ABCC2: variants seen among roughly 807,000 people sequenced by gnomAD.
The protein encoded by ABCC2 is ATP binding cassette subfamily C member 2, also known as ATP-binding cassette sub-family C member 2.
A neutral mutation model predicts 173.4 loss-of-function variants in ABCC2; 157 were observed. The ratio of observed to expected loss-of-function variants is 0.91; its 90% CI spans 0.80 to 1.03. The LOEUF is 1.03. Ranked by LOEUF, ABCC2 falls within the 50% of genes least tolerant of loss-of-function variation. The pLI is 0.00. For missense variants in ABCC2, 1,822 were observed against 1,852.3 expected (o/e 0.98, Z 0.30); for synonymous variants, 657 against 693.5 (o/e 0.95, Z 0.83).
Position 99,817,337 on chromosome 10 carries a change from C to T in ABCC2, c.2124C>T (p.Ser708=). 1.2e-6 allele frequency: 2 copies of T among 1,614,150 alleles called. No homozygotes were observed. The change falls in exon 17 of 32, where the codon TCC becomes TCT. Residue 708 remains serine, a synonymous_variant. Transcript: ENST00000647814. The part of the protein sequence containing the change: ...KGTTAYVPQQ[S]WIQNGTIKDN... ...CCACTGCCTATGTCCCACAGCAGTC[C>T]TGGATTCAGAATGGCACCATAAAGG...
At chr10:99,801,536 G>A (rs1025699475) in intron 9 of ABCC2, among the ~76,000 whole-genome samples, 1 of 152,044 alleles carries the variant, frequency 6.6e-6, no homozygotes, top group African/African-American at 2.4e-5. Context: ...GCGCCTGGCC[G>A]ATACATTGTT....
intron 15 of ABCC2, 148 bp from the exon 16 acceptor site, chr10:99,812,870 T>G: frequency 1.1e-6 from 1 of 951,382 alleles, no homozygotes; most frequent in Non-Finnish European, 1.7e-6. Flanking sequence ...AAGAAGCACT[T>G]TGGGGTCTTG....
In ABCC2 at chr10:99,851,813, A is replaced by G; in HGVS notation, c.*182A>G. The stretch of plus-strand genomic sequence containing the variant: ...ATAAATGTCACCAGGTACTTGAGAA[A>G]CCCCTCGATTGTCTACCTCGATCGT... On this transcript the variant is annotated 3_prime_UTR_variant, in exon 32 of 32. Transcript: ENST00000647814. The G allele has an allele frequency of 3.6e-6, 2 of 560,546 alleles. No homozygotes were observed. Among genetic ancestry groups the G allele is most frequent in the Non-Finnish European group, 2.9e-6 (1 of 340,512 alleles). The allele number at this position is 560,546 out of a possible 1,614,324, so 34.7% of individuals were successfully genotyped here.
At chr10:99,786,099 C>T (rs537541397) in intron 2 of ABCC2, among the ~76,000 whole-genome samples, 1 of 152,136 alleles carries the variant, frequency 6.6e-6, no homozygotes, top group South Asian at 2.1e-4. Flanking sequence ...TCAAACACTC[C>T]CACTGGAATA....
intron 16 of ABCC2, among the ~76,000 whole-genome samples, chr10:99,814,186 T>C (rs1418436865): frequency 2.1e-5 from 2 of 93,874 alleles, no homozygotes; most frequent in South Asian, 7.5e-4. Context: ...CATGTATGTA[T>C]ACACACATGT....
chr10:99,797,031 A>T (rs1428876439), intron 6 of ABCC2, 66 bp from the exon 7 acceptor site: 2 of 1,374,794 alleles, frequency 1.5e-6, no homozygotes, highest in African/African-American at 2.9e-5. Flanking sequence ...AGGTTCTGAT[A>T]GAAGTGGTGG....
intron 19 of ABCC2, among the ~76,000 whole-genome samples, chr10:99,825,368 C>T (rs1005832787): frequency 2.4e-4 from 37 of 151,276 alleles, no homozygotes; most frequent in African/African-American, 6.8e-4. Flanking sequence ...TTTTGGCCAC[C>T]GATTTAAAGC....
chr10:99,789,674 C>G (rs893937128), intron 2 of ABCC2, among the ~76,000 whole-genome samples: 4 of 138,248 alleles, frequency 2.9e-5, no homozygotes, highest in Non-Finnish European at 4.5e-5. Context: ...AGCACCACTA[C>G]ACTCCAGCCT....
intron 20 of ABCC2, 52 bp downstream of exon 20, chr10:99,830,485 A>C (rs900602182): frequency 6.2e-7 from 1 of 1,613,508 alleles, no homozygotes. Flanking sequence ...TTTCCACTTG[A>C]TCTTTTTCTT....
chr10:99,831,219 T>G (rs1432070619), intron 21 of ABCC2, among the ~76,000 whole-genome samples: 1 of 152,158 alleles, frequency 6.6e-6, no homozygotes, highest in Non-Finnish European at 1.5e-5. Flanking sequence ...TCTGATTTTT[T>G]GTTTGTGTGT....
chr10:99,850,853 C>G, intron 31 of ABCC2, 57 bp downstream of exon 31: 3 of 1,589,000 alleles, frequency 1.9e-6, no homozygotes, highest in Admixed American at 1.7e-5. Flanking sequence ...TCAACAGTAA[C>G]AGTGTCAGCC....
Position 99,782,752 on chromosome 10 carries a change from T to C in ABCC2, c.-93T>C, listed in dbSNP as rs2037636894. ...GGAGAACATCAGAATGGTAGATAAT[T>C]CCTGTTCCACTTTCTTTGATGAAAC... On this transcript the variant is annotated 5_prime_UTR_variant, in exon 1 of 32. Transcript: ENST00000647814. The C allele has an allele frequency of 2.1e-6, 3 of 1,410,008 alleles. No individual in the cohort carries two copies. The highest frequency in any genetic ancestry group is 3.0e-6 in the Non-Finnish European group (3 of 996,598). 87.3% of individuals were successfully genotyped at this position (1,410,008 alleles called of 1,614,324 possible). A position where few individuals can be genotyped will look rare whatever the true frequency, so the allele number is the denominator to read the frequency against.
chr10:99,786,076 G>A, intron 2 of ABCC2, among the ~76,000 whole-genome samples: 1 of 152,076 alleles, frequency 6.6e-6, no homozygotes, highest in South Asian at 2.1e-4. Context: ...CCCATCACAG[G>A]ACCTAGCATG....
At chr10:99,818,684 C>A in intron 17 of ABCC2, 106 bp from the exon 18 acceptor site, 1 of 1,235,856 alleles carries the variant, frequency 8.1e-7, no homozygotes, top group Non-Finnish European at 1.2e-6. Flanking sequence ...TTTTTAACCC[C>A]TTGACACCTT....
At chr10:99,830,555 GTTTC>G (rs1454624136) in intron 20 of ABCC2, 122 bp downstream of exon 20, 4 of 1,569,922 alleles carry the variant, frequency 2.5e-6, no homozygotes, top group Non-Finnish European at 3.5e-6. Context: ...CTCTTCCTTT[GTTTC>G]TTTGTTGTGG....
At chr10:99,825,085 AT>A (rs2038609787) in intron 19 of ABCC2, among the ~76,000 whole-genome samples, 1 of 148,434 alleles carries the variant, frequency 6.7e-6, no homozygotes, top group East Asian at 1.9e-4. Context: ...TGCCATCTTC[AT>A]TTTTTCCTAG....
intron 16 of ABCC2, among the ~76,000 whole-genome samples, chr10:99,816,767 A>C (rs2038423851): frequency 6.6e-6 from 1 of 152,140 alleles, no homozygotes; most frequent in South Asian, 2.1e-4. Flanking sequence ...GCAGCATTAG[A>C]TTCTCATAGG....
At chr10:99,830,519 A>C in intron 20 of ABCC2, 86 bp downstream of exon 20, 1 of 1,596,078 alleles carries the variant, frequency 6.3e-7, no homozygotes, top group Non-Finnish European at 8.6e-7. Flanking sequence ...TTTTCCTGTG[A>C]GGGTTAACAC....
At chr10:99,831,876 G>C (rs760559599) in intron 22 of ABCC2, 46 bp downstream of exon 22, 1 of 1,613,252 alleles carries the variant, frequency 6.2e-7, no homozygotes, top group South Asian at 1.1e-5. Context: ...TCTGGACCCT[G>C]TACTTTTCCT....
Sources: gnomAD v4.1 joint callset for allele counts (sites outside exome capture counted in the v4.1 genomes callset) on GRCh38, gnomAD v4.1.1 for gene constraint, MANE v1.5 for transcripts, NCBI Gene and HGNC (gene_info 2026-07-23, HGNC 2026-07-21) for gene names.